GABRG3: variants seen among roughly 807,000 people sequenced by gnomAD.
The protein encoded by GABRG3 is gamma-aminobutyric acid receptor subunit gamma-3.
Under a neutral mutation model 48.8 loss-of-function variants are expected in GABRG3, and 25 were observed. That is an observed-to-expected ratio of 0.51 (90% CI 0.37 to 0.72). The LOEUF is 0.72. Ranked by LOEUF, GABRG3 falls within the 30% of genes least tolerant of loss-of-function variation. The probability of loss-of-function intolerance (pLI) is 0.00; values close to 1 mark genes in which losing one functional copy is unlikely to be tolerated. For missense variants in GABRG3, 394 were observed against 577.9 expected, an observed-to-expected ratio of 0.68 and a Z score of 3.26; for synonymous variants, 227 against 217.6, an observed-to-expected ratio of 1.04 and a Z score of -0.38.
chr15:27,166,932 T>C (rs1887393748), intron 3 of GABRG3, among the ~76,000 whole-genome samples: 2 of 152,110 alleles, frequency 1.3e-5, no homozygotes, highest in Admixed American at 1.3e-4. Context: ...ACAAGACTCT[T>C]TATTGAAAAC....
chr15:27,154,422 C>G (rs928130229), intron 3 of GABRG3, among the ~76,000 whole-genome samples: 3 of 152,086 alleles, frequency 2.0e-5, no homozygotes, highest in African/African-American at 7.2e-5. Context: ...CTACTGAGCT[C>G]AAGGGGGGAA....
At chr15:27,483,261 G>C (rs906698877) in intron 6 of GABRG3, 2 of 152,046 alleles carry the variant, frequency 1.3e-5, no homozygotes, top group African/African-American at 4.8e-5. Flanking sequence ...CTCTCTCGTC[G>C]GCTTGCAGGT....
At chr15:27,119,400 G>T (rs1897694615) in intron 3 of GABRG3, among the ~76,000 whole-genome samples, 1 of 152,208 alleles carries the variant, frequency 6.6e-6, no homozygotes, top group Non-Finnish European at 1.5e-5. Context: ...TTAAGGAAAA[G>T]ATATAACTTT....
chr15:27,467,609 C>T (rs1372847962), intron 5 of GABRG3, among the ~76,000 whole-genome samples: 1 of 152,206 alleles, frequency 6.6e-6, no homozygotes, highest in Admixed American at 6.5e-5. Context: ...ACTTTTTGAG[C>T]ATTAAAACAG....
intron 3 of GABRG3, among the ~76,000 whole-genome samples, chr15:27,249,415 A>C (rs961179167): frequency 2.0e-5 from 3 of 152,206 alleles, no homozygotes; most frequent in Non-Finnish European, 4.4e-5. Context: ...GCAGAGCAGC[A>C]TGACCCCTGA....
intron 5 of GABRG3, among the ~76,000 whole-genome samples, chr15:27,456,277 G>A (rs1178190796): frequency 6.6e-6 from 1 of 152,168 alleles, no homozygotes; most frequent in African/African-American, 2.4e-5. Flanking sequence ...GCCATCCTCT[G>A]TAGATCTCAA....
At position 27,352,279 on chromosome 15, in the gene GABRG3, C is replaced by A. The variant is rs1595697930; in HGVS notation, c.574+23391C>A. Among the ~76,000 whole-genome samples, 1 of 151,808 alleles carries A rather than the reference C, an allele frequency of 6.6e-6. No homozygotes were observed. Among genetic ancestry groups the A allele is most frequent in the South Asian group, 2.1e-4 (1 of 4,830 alleles). On this transcript the variant is annotated intron_variant, in intron 5 of 9. Coordinates refer to ENST00000615808, the MANE Select transcript of GABRG3 (RefSeq NM_033223.5). This position sits in a 1 kb window ranked among gnomAD's most constrained non-coding sequence, Gnocchi z 4.0. ...TCCGTCTCGCGCTCACTGTTCACAG[C>A]GTAAATCCAGACCCATAGTGAGAGG... is the stretch of plus-strand genomic sequence containing the variant.
chr15:27,166,563 C>T (rs895610624), intron 3 of GABRG3, among the ~76,000 whole-genome samples: 2 of 151,960 alleles, frequency 1.3e-5, no homozygotes, highest in African/African-American at 2.4e-5. Flanking sequence ...GCATGAAGGC[C>T]GTGTGTGGAA....
At chr15:27,111,608 T>G (rs1897550532) in intron 3 of GABRG3, among the ~76,000 whole-genome samples, 1 of 152,178 alleles carries the variant, frequency 6.6e-6, no homozygotes, top group Non-Finnish European at 1.5e-5. Context: ...CATTTTTGTC[T>G]TCCCCTTTGG....
At chr15:27,391,628 A>C (rs2140577002) in intron 5 of GABRG3, among the ~76,000 whole-genome samples, 1 of 152,280 alleles carries the variant, frequency 6.6e-6, no homozygotes, top group Non-Finnish European at 1.5e-5. Context: ...TGTTTTGCAA[A>C]AAATAGGATT....
chr15:27,146,207 C>T (rs1205139776), intron 3 of GABRG3, among the ~76,000 whole-genome samples: 2 of 152,154 alleles, frequency 1.3e-5, no homozygotes, highest in African/African-American at 4.8e-5. Flanking sequence ...GTAATCCCAG[C>T]ACTTTGGGAG....
intron 5 of GABRG3, among the ~76,000 whole-genome samples, chr15:27,451,577 A>C (rs373861285): frequency 6.6e-6 from 1 of 152,204 alleles, no homozygotes; most frequent in African/African-American, 2.4e-5. Flanking sequence ...AACTGAAACT[A>C]TAAATTTCTG....
At chr15:27,207,091 T>C (rs1032567157) in intron 3 of GABRG3, among the ~76,000 whole-genome samples, 1 of 152,194 alleles carries the variant, frequency 6.6e-6, no homozygotes, top group Admixed American at 6.5e-5. Context: ...CCTGTCATCA[T>C]GTTGTTAGCT....
intron 6 of GABRG3, among the ~76,000 whole-genome samples, chr15:27,489,556 A>G (rs1365435550): frequency 1.3e-5 from 2 of 152,136 alleles, no homozygotes; most frequent in African/African-American, 4.8e-5. Flanking sequence ...CTGACTTTTT[A>G]ATGATCACTA....
chr15:27,201,585 G>C (rs1888686313), intron 3 of GABRG3, among the ~76,000 whole-genome samples: 1 of 137,848 alleles, frequency 7.3e-6, no homozygotes, highest in Non-Finnish European at 1.5e-5. Flanking sequence ...CTTACACCTT[G>C]AGAGCTGGAT....
At chr15:27,451,861 T>A (rs1013429631) in intron 5 of GABRG3, among the ~76,000 whole-genome samples, 1 of 152,142 alleles carries the variant, frequency 6.6e-6, no homozygotes, top group African/African-American at 2.4e-5. Flanking sequence ...AAGGGACACA[T>A]GGCTGCAACT....
chr15:27,067,630 A>C (rs946245278), intron 3 of GABRG3, among the ~76,000 whole-genome samples: 1 of 149,720 alleles, frequency 6.7e-6, no homozygotes, highest in Non-Finnish European at 1.5e-5. Flanking sequence ...TCCTTTCTCC[A>C]CTCCCCTTCC....
At chr15:27,104,315 G>A (rs531391240) in intron 3 of GABRG3, among the ~76,000 whole-genome samples, 7 of 152,308 alleles carry the variant, frequency 4.6e-5, no homozygotes, top group South Asian at 4.1e-4. Context: ...AAGTTAAATC[G>A]ACCAAGTGCT....
chr15:27,537,970 G>C lies in GABRG3; in HGVS notation c.*5089G>C, dbSNP rs1454778884. The C allele has an allele frequency of 6.6e-6, 1 of 151,984 alleles. No homozygotes were observed. Among genetic ancestry groups the C allele is most frequent in the East Asian group, 1.9e-4 (1 of 5,188 alleles). The allele number at this position is 151,984 out of a possible 1,614,324, so 9.4% of individuals were successfully genotyped here. A position where few individuals can be genotyped will look rare whatever the true frequency, so the allele number is the denominator to read the frequency against. On this transcript the variant is annotated 3_prime_UTR_variant, in exon 10 of 10. Coordinates refer to ENST00000615808, the MANE Select transcript of GABRG3 (RefSeq NM_033223.5). ...TTCTCTTGCCTCAGCTTCCCGAGTA[G>C]CTGGGATTACAGGCACCCACCACCA...
Sources: gnomAD v4.1 joint callset for allele counts (sites outside exome capture counted in the v4.1 genomes callset) on GRCh38, gnomAD v4.1.1 for gene constraint, Gnocchi (gnomAD v3.1) non-coding constraint, MANE v1.5 for transcripts, NCBI Gene and HGNC (gene_info 2026-07-23, HGNC 2026-07-21) for gene names.